The following VWA8 variants were observed in gnomAD, a reference collection of about 807,000 sequenced individuals.
VWA8 encodes von Willebrand factor A domain-containing protein 8.
Under a neutral mutation model 241.5 loss-of-function variants are expected in VWA8, and 221 were observed. That is an observed-to-expected ratio of 0.91 (90% CI 0.82 to 1.02). The LOEUF (loss-of-function observed/expected upper bound fraction) is 1.02, where lower values mean the gene tolerates loss of function less well. Among genes scored for constraint, VWA8 ranks in the 50% least tolerant of loss-of-function variants. The pLI, the probability that VWA8 is intolerant of heterozygous loss-of-function variation, is 0.00. For missense variants in VWA8, 2,322 were observed against 2,328.7 expected, an observed-to-expected ratio of 1.00 and a Z score of 0.06; for synonymous variants, 852 against 827.1, an observed-to-expected ratio of 1.03 and a Z score of -0.52.
intron 14 of VWA8, among the ~76,000 whole-genome samples, chr13:41,822,534 C>T (rs1055000555): frequency 3.2e-4 from 48 of 152,182 alleles, no homozygotes; most frequent in Admixed American, 9.8e-4. Context: ...TAAGTGTATA[C>T]GGCTATTGTT....
intron 40 of VWA8, among the ~76,000 whole-genome samples, chr13:41,604,338 A>C (rs916851797): frequency 6.6e-6 from 1 of 152,086 alleles, no homozygotes; most frequent in Non-Finnish European, 1.5e-5. Context: ...ACATGGTTTA[A>C]TTTTTACATT....
intron 26 of VWA8, among the ~76,000 whole-genome samples, chr13:41,706,013 G>A (rs536501689): frequency 1.3e-5 from 2 of 151,854 alleles, no homozygotes; most frequent in Admixed American, 1.3e-4. Context: ...TTAATTCAGG[G>A]GAGATCATTA....
rs61752291 is a variant in VWA8 at position 41,868,433 on chromosome 13, C to A, written c.1125G>T (p.Glu375Asp). 23 of 1,613,956 alleles carry A rather than the reference C, an allele frequency of 1.4e-5. No homozygotes were observed. The South Asian group carries it at 2.1e-4, about 15-fold the overall frequency. Residue 375 changes from glutamate (E) to aspartate (D), a missense_variant, in exon 10 of 45, where the codon GAG becomes GAT. Transcript: ENST00000379310. ...CCATCATCTTCTCTACTTTTACAATCTCTTTAGGAAGTAGAGAGCTTCCTG... is the reference window on the plus strand; with the variant it reads ...CCATCATCTTCTCTACTTTTACAATATCTTTAGGAAGTAGAGAGCTTCCTG... ...QDSGSSLLPK[E>D]IVKVEKMMEN...
chr13:41,959,492 G>GAAAAAA (rs1878492477), intron 1 of VWA8, among the ~76,000 whole-genome samples: 2 of 30,112 alleles, frequency 6.6e-5, no homozygotes, highest in African/African-American at 1.1e-4. Flanking sequence ...TTGAGAAAAA[G>GAAAAAA]CAAAAAAAAA....
At chr13:41,641,500 G>A (rs2044794786) in intron 37 of VWA8, among the ~76,000 whole-genome samples, 1 of 151,888 alleles carries the variant, frequency 6.6e-6, no homozygotes, top group Non-Finnish European at 1.5e-5. Context: ...CTTGCCTAGG[G>A]TCATACATAG....
At chr13:41,795,248 T>A (rs1025453592) in intron 17 of VWA8, among the ~76,000 whole-genome samples, 1 of 152,146 alleles carries the variant, frequency 6.6e-6, no homozygotes, top group Non-Finnish European at 1.5e-5. Flanking sequence ...CACAATGAGG[T>A]ACCATCTCAT....
At chr13:41,587,420 A>C (rs1018972567) in intron 42 of VWA8, 92 bp downstream of exon 42, 1 of 1,531,682 alleles carries the variant, frequency 6.5e-7, no homozygotes, top group Non-Finnish European at 8.9e-7. Flanking sequence ...TGAGAGGATG[A>C]AGATTTTCAT....
intron 35 of VWA8, among the ~76,000 whole-genome samples, chr13:41,682,772 G>A (rs145688952): frequency 3.0e-3 from 449 of 152,084 alleles, no homozygotes; most frequent in African/African-American, 4.7e-3. Flanking sequence ...AGGAATGCTC[G>A]AAACTCATTA....
chr13:41,872,499 G>C (rs1243840833), intron 9 of VWA8, among the ~76,000 whole-genome samples: 2 of 152,110 alleles, frequency 1.3e-5, no homozygotes, highest in African/African-American at 4.8e-5. Flanking sequence ...TGTAAGGAAG[G>C]GATCCAGTTT....
chr13:41,737,042 C>T (rs2045531239), intron 21 of VWA8, among the ~76,000 whole-genome samples: 1 of 152,000 alleles, frequency 6.6e-6, no homozygotes, highest in Non-Finnish European at 1.5e-5. Context: ...CCAGGCCAGG[C>T]TGGTCTTGAA....
chr13:41,630,245 T>C (rs1043411488), intron 37 of VWA8, among the ~76,000 whole-genome samples: 13 of 152,094 alleles, frequency 8.5e-5, no homozygotes, highest in African/African-American at 2.9e-4. Flanking sequence ...TCTTCTGGCA[T>C]AGAAAGGGTT....
intron 36 of VWA8, among the ~76,000 whole-genome samples, chr13:41,671,791 C>G (rs966121659): frequency 6.6e-6 from 1 of 152,158 alleles, no homozygotes; most frequent in Admixed American, 6.5e-5. Flanking sequence ...TGTAAGACAG[C>G]CTTCACTAGG....
chr13:41,602,754 G>C (rs2044529642), intron 40 of VWA8, among the ~76,000 whole-genome samples: 1 of 152,084 alleles, frequency 6.6e-6, no homozygotes, highest in African/African-American at 2.4e-5. Context: ...CCATTTTACA[G>C]AACCCAGGCT....
chr13:41,809,010 C>T (rs1231847129), intron 17 of VWA8, among the ~76,000 whole-genome samples: 1 of 151,834 alleles, frequency 6.6e-6, no homozygotes, highest in African/African-American at 2.4e-5. Context: ...CAATTTACAA[C>T]AGCTACAAAT....
At chr13:41,865,342 C>A in intron 12 of VWA8, 1 of 388,176 alleles carries the variant, frequency 2.6e-6, no homozygotes. Flanking sequence ...TAACTACTAG[C>A]TATTTTAAAA....
chr13:41,951,115 T>C (rs918177365), intron 1 of VWA8, among the ~76,000 whole-genome samples: 2 of 152,160 alleles, frequency 1.3e-5, no homozygotes, highest in Admixed American at 1.3e-4. Flanking sequence ...AAAGCCCCAG[T>C]GGCATAAATG....
At chr13:41,626,167 G>T (rs2044689681) in intron 37 of VWA8, among the ~76,000 whole-genome samples, 1 of 151,638 alleles carries the variant, frequency 6.6e-6, no homozygotes, top group African/African-American at 2.4e-5. Flanking sequence ...CACCAACATG[G>T]CACATGTATA....
At chr13:41,731,860 C>A (rs540671681) in intron 22 of VWA8, among the ~76,000 whole-genome samples, 1 of 152,248 alleles carries the variant, frequency 6.6e-6, no homozygotes, top group Non-Finnish European at 1.5e-5. Flanking sequence ...TGAGACATGC[C>A]TCTCACCTTC....
intron 4 of VWA8, among the ~76,000 whole-genome samples, chr13:41,897,558 T>C (rs1187211658): frequency 6.6e-6 from 1 of 152,162 alleles, no homozygotes; most frequent in Non-Finnish European, 1.5e-5. Context: ...TGAATAGATG[T>C]ATTAAAGTAT....
Sources: gnomAD v4.1 joint callset for allele counts (sites outside exome capture counted in the v4.1 genomes callset) on GRCh38, gnomAD v4.1.1 for gene constraint, MANE v1.5 for transcripts, NCBI Gene and HGNC (gene_info 2026-07-23, HGNC 2026-07-21) for gene names.